Variants in SDHAF4 observed in about 807,000 individuals in gnomAD.
The protein encoded by SDHAF4 is succinate dehydrogenase complex assembly factor 4, also known as succinate dehydrogenase assembly factor 4, mitochondrial.
A neutral mutation model predicts 14.3 loss-of-function variants in SDHAF4; 14 were observed. That is an observed-to-expected ratio of 0.98 (90% CI 0.65 to 1.53). The LOEUF (loss-of-function observed/expected upper bound fraction) is 1.53, where lower values mean the gene tolerates loss of function less well. SDHAF4 is among the 40% of genes most tolerant of loss of function. The pLI, the probability that SDHAF4 is intolerant of heterozygous loss-of-function variation, is 0.00. For synonymous variants in SDHAF4, 63 were observed against 47.3 expected (o/e 1.33, Z -1.36); for missense variants, 141 against 129.3 (o/e 1.09, Z -0.44).
rs1248655802 is a variant in SDHAF4 at position 70,567,833 on chromosome 6, C to T, written c.64+829C>T. On this transcript the variant is annotated intron_variant, in intron 1 of 2. Coordinates refer to ENST00000370474, the MANE Select transcript of SDHAF4 (RefSeq NM_145267.3). Reference sequence around the variant, plus strand: ...CCTGAGTAGCTGGGACTACAGGCGCCCGCCACCGTGCCTGACTAATTTTTT... The same window carrying T: ...CCTGAGTAGCTGGGACTACAGGCGCTCGCCACCGTGCCTGACTAATTTTTT... Among the ~76,000 whole-genome samples the T allele has an allele frequency of 2.0e-5, 3 of 152,032 alleles. No individual in the cohort carries two copies. The East Asian group carries it at 5.8e-4, about 29-fold the overall frequency.
At chr6:70,590,199 C>G (rs1765246025), downstream of SDHAF4, among the ~76,000 whole-genome samples, 1 of 151,776 alleles carries the variant, frequency 6.6e-6, no homozygotes. Flanking sequence ...GATTGTGCCA[C>G]TGCACTCCAG....
chr6:70,586,064 C>T (rs140262300), intron 2 of SDHAF4, among the ~76,000 whole-genome samples: 2 of 152,280 alleles, frequency 1.3e-5, no homozygotes, highest in African/African-American at 4.8e-5. Flanking sequence ...TGTGCTTCCT[C>T]AGTAGAACAG....
At chr6:70,579,334 A>C (rs1802292623) in intron 1 of SDHAF4, 80 bp from the exon 2 acceptor site, 21 of 1,156,012 alleles carry the variant, frequency 1.8e-5, no homozygotes, top group Non-Finnish European at 2.3e-5. Flanking sequence ...TAAACTAAAA[A>C]CAAATAAATA....
chr6:70,577,971 T>C (rs545812067), intron 1 of SDHAF4, among the ~76,000 whole-genome samples: 9 of 152,220 alleles, frequency 5.9e-5, no homozygotes, highest in Non-Finnish European at 1.2e-4. Context: ...CAGTCCACCA[T>C]TGATGAGCAC....
chr6:70,585,088 C>T (rs1765180115), intron 2 of SDHAF4, among the ~76,000 whole-genome samples: 1 of 152,112 alleles, frequency 6.6e-6, no homozygotes, highest in Admixed American at 6.5e-5. Flanking sequence ...TTCTTTCTTC[C>T]CCAGTGCTGT....
chr6:70,584,262 G>T (rs1045717029), intron 2 of SDHAF4, among the ~76,000 whole-genome samples: 1 of 152,088 alleles, frequency 6.6e-6, no homozygotes, highest in Non-Finnish European at 1.5e-5. Flanking sequence ...TGATCCGCTC[G>T]CCTCGGCCTC....
the SDHAF4 span, among the ~76,000 whole-genome samples, chr6:70,595,214 G>A: frequency 1.5e-3 from 224 of 152,264 alleles, no homozygotes; most frequent in African/African-American, 4.8e-3. Context: ...CTCAGAGGTT[G>A]GGCCTTCAGC....
At chr6:70,587,550 G>GT (rs1765215965) in intron 2 of SDHAF4, among the ~76,000 whole-genome samples, 1 of 152,146 alleles carries the variant, frequency 6.6e-6, no homozygotes, top group South Asian at 2.1e-4. Context: ...TTCCTCTCCT[G>GT]TTTTTTCCAT....
At chr6:70,568,904 A>C (rs531919597) in intron 1 of SDHAF4, among the ~76,000 whole-genome samples, 1 of 152,088 alleles carries the variant, frequency 6.6e-6, no homozygotes, top group South Asian at 2.1e-4. Context: ...TTCTCTGATT[A>C]AAGAAGTAAA....
intron 2 of SDHAF4, among the ~76,000 whole-genome samples, chr6:70,579,915 TGAG>T (rs1313835986): frequency 2.0e-5 from 3 of 152,158 alleles, no homozygotes; most frequent in Non-Finnish European, 4.4e-5. Flanking sequence ...ATGTGAATAA[TGAG>T]GTATAATAAA....
chr6:70,591,919 A>G (rs985583836), downstream of SDHAF4, among the ~76,000 whole-genome samples: 1 of 152,310 alleles, frequency 6.6e-6, no homozygotes, highest in Non-Finnish European at 1.5e-5. Flanking sequence ...TAATTCATTT[A>G]TGGGTTAATG....
At chr6:70,597,857 T>A in the SDHAF4 span, among the ~76,000 whole-genome samples, 1 of 152,154 alleles carries the variant, frequency 6.6e-6, no homozygotes, top group Non-Finnish European at 1.5e-5. Context: ...TATATAAAAA[T>A]TTTTAAGCCC....
At chr6:70,585,036 G>A (rs562455505) in intron 2 of SDHAF4, among the ~76,000 whole-genome samples, 12 of 152,310 alleles carry the variant, frequency 7.9e-5, no homozygotes, top group Admixed American at 3.3e-4. Flanking sequence ...ATTAGAATGA[G>A]AGGCTGGAAA....
chr6:70,585,005 GA>G (rs1407451545), intron 2 of SDHAF4, among the ~76,000 whole-genome samples: 1 of 152,264 alleles, frequency 6.6e-6, no homozygotes, highest in African/African-American at 2.4e-5. Flanking sequence ...TTCCAAAAAG[GA>G]AAGGCTATAG....
At chr6:70,585,142 A>T (rs952017759) in intron 2 of SDHAF4, among the ~76,000 whole-genome samples, 11 of 152,002 alleles carry the variant, frequency 7.2e-5, no homozygotes, top group Non-Finnish European at 1.5e-4. Context: ...TGGAGCTCTA[A>T]CCCCCCAGGT....
chr6:70,570,878 A>T (rs1458294064), intron 1 of SDHAF4, among the ~76,000 whole-genome samples: 1 of 152,086 alleles, frequency 6.6e-6, no homozygotes, highest in Non-Finnish European at 1.5e-5. Flanking sequence ...CTGTTCTTTT[A>T]AACCAAAAAA....
chr6:70,577,363 C>G (rs886317520), intron 1 of SDHAF4, among the ~76,000 whole-genome samples: 25 of 144,652 alleles, frequency 1.7e-4, no homozygotes, highest in African/African-American at 6.4e-4. Flanking sequence ...AATTGATCTG[C>G]TTCTAAAAGC....
At chr6:70,595,600 G>A in the SDHAF4 span, among the ~76,000 whole-genome samples, 1 of 152,090 alleles carries the variant, frequency 6.6e-6, no homozygotes, top group Non-Finnish European at 1.5e-5. Context: ...TAGTATGTTA[G>A]GCTGGACTTG....
chr6:70,576,787 A>T (rs1802261028), intron 1 of SDHAF4, among the ~76,000 whole-genome samples: 1 of 152,196 alleles, frequency 6.6e-6, no homozygotes, highest in South Asian at 2.1e-4. Flanking sequence ...CAGCAATCTC[A>T]TGTGACAGGT....
Sources: gnomAD v4.1 joint callset for allele counts (sites outside exome capture counted in the v4.1 genomes callset) on GRCh38, gnomAD v4.1.1 for gene constraint, MANE v1.5 for transcripts, NCBI Gene and HGNC (gene_info 2026-07-23, HGNC 2026-07-21) for gene names.